Variants in STIM1 observed in about 807,000 individuals in gnomAD.
The protein encoded by STIM1 is stromal interaction molecule 1.
STIM1 carries 25 observed loss-of-function variants against 74.7 expected under a neutral mutation model. That is an observed-to-expected ratio of 0.33 (90% CI 0.24 to 0.47). The LOEUF (loss-of-function observed/expected upper bound fraction) is 0.47, where lower values mean the gene tolerates loss of function less well. Ranked by LOEUF, STIM1 falls within the 20% of genes least tolerant of loss-of-function variation. The pLI, the probability that STIM1 is intolerant of heterozygous loss-of-function variation, is 1.00. For missense variants in STIM1, 728 were observed against 920.8 expected (o/e 0.79, Z 2.71); for synonymous variants, 328 against 348.8 (o/e 0.94, Z 0.66).
chr11:3,913,464 A>C (rs1010183054), intron 1 of STIM1, among the ~76,000 whole-genome samples: 3 of 152,120 alleles, frequency 2.0e-5, no homozygotes, highest in Admixed American at 2.0e-4. Context: ...CTGGAGTTAC[A>C]GGGATCAACC....
intron 2 of STIM1, among the ~76,000 whole-genome samples, chr11:4,010,908 C>T (rs2093829721): frequency 6.6e-6 from 1 of 152,080 alleles, no homozygotes; most frequent in African/African-American, 2.4e-5. Flanking sequence ...ATGATATTCC[C>T]CTCCCTCTGT....
intron 1 of STIM1, among the ~76,000 whole-genome samples, chr11:3,900,993 C>T (rs1590545741): frequency 1.3e-5 from 2 of 152,214 alleles, no homozygotes. Context: ...GAGTTCAAGA[C>T]TAGCCTGGCC....
chr11:3,951,727 TA>T (rs982552568), intron 1 of STIM1, among the ~76,000 whole-genome samples: 58 of 152,154 alleles, frequency 3.8e-4, no homozygotes, highest in African/African-American at 1.3e-3. Flanking sequence ...TTTATCTGGG[TA>T]AGTCCTTGGG....
chr11:4,053,099 G>T (rs1395559749), intron 3 of STIM1, among the ~76,000 whole-genome samples: 2 of 152,218 alleles, frequency 1.3e-5, no homozygotes, highest in Non-Finnish European at 2.9e-5. Flanking sequence ...TGGAGAGGAC[G>T]TGGAGAAATA....
At chr11:3,960,053 G>A (rs970236220) in intron 1 of STIM1, among the ~76,000 whole-genome samples, 50 of 152,296 alleles carry the variant, frequency 3.3e-4, no homozygotes, top group African/African-American at 1.2e-3. Flanking sequence ...AGTATTCTGT[G>A]TGATGAAATA....
intron 1 of STIM1, among the ~76,000 whole-genome samples, chr11:3,941,696 A>AGAGAGAGAGTGTGT (rs1214690521): frequency 7.1e-6 from 1 of 141,806 alleles, no homozygotes; most frequent in Non-Finnish European, 1.5e-5. Context: ...AGAGAGAGAG[A>AGAGAGAGAGTGTGT]GTGTGTGTGT....
At chr11:4,090,725 G>T (rs149805931) in intron 12 of STIM1, among the ~76,000 whole-genome samples, 22 of 152,328 alleles carry the variant, frequency 1.4e-4, no homozygotes, top group Admixed American at 1.4e-3. Flanking sequence ...GTGTTAGCTT[G>T]AGTCCCAGGA....
At chr11:3,935,729 C>G (rs2092923876) in intron 1 of STIM1, among the ~76,000 whole-genome samples, 1 of 152,158 alleles carries the variant, frequency 6.6e-6, no homozygotes, top group South Asian at 2.1e-4. Context: ...GGTATTTTAT[C>G]TGGTGAAAAC....
intron 2 of STIM1, among the ~76,000 whole-genome samples, chr11:4,010,239 C>T (rs1294639200): frequency 4.0e-5 from 6 of 149,570 alleles, no homozygotes; most frequent in South Asian, 4.2e-4. Flanking sequence ...GGCATGATCT[C>T]GACTCACTAC....
At chr11:3,889,216 C>A (rs556511422) in intron 1 of STIM1, among the ~76,000 whole-genome samples, 1 of 150,378 alleles carries the variant, frequency 6.6e-6, no homozygotes, top group Admixed American at 6.7e-5. Flanking sequence ...TGAGGCCCAA[C>A]AAATAAATAT....
intron 2 of STIM1, among the ~76,000 whole-genome samples, chr11:3,996,687 G>A (rs2093666154): frequency 6.6e-6 from 1 of 152,184 alleles, no homozygotes; most frequent in Non-Finnish European, 1.5e-5. Flanking sequence ...AGATTTTCTT[G>A]AGCATATGTT....
intron 1 of STIM1, among the ~76,000 whole-genome samples, chr11:3,875,290 T>G (rs574968447): frequency 1.3e-5 from 2 of 152,338 alleles, no homozygotes; most frequent in South Asian, 4.1e-4. Context: ...GGCAAACACA[T>G]GTAAAGGCAT....
intron 2 of STIM1, among the ~76,000 whole-genome samples, chr11:3,970,632 A>C (rs891089950): frequency 7.9e-5 from 12 of 152,064 alleles, no homozygotes; most frequent in African/African-American, 2.9e-4. Flanking sequence ...TTATTAATGA[A>C]AATTTCATAA....
intron 5 of STIM1, 38 bp from the exon 6 acceptor site, chr11:4,069,988 G>C (rs1233748523): frequency 6.2e-7 from 1 of 1,611,396 alleles, no homozygotes; most frequent in Admixed American, 1.7e-5. Flanking sequence ...AGTGTGCAGT[G>C]GGCACCCTAA....
chr11:3,936,561 A>G (rs1478253023), intron 1 of STIM1, among the ~76,000 whole-genome samples: 1 of 152,218 alleles, frequency 6.6e-6, no homozygotes, highest in Non-Finnish European at 1.5e-5. Context: ...GGTTACCAGT[A>G]TGATATAGTA....
At chr11:4,047,819 TC>T (rs2094205625) in intron 3 of STIM1, among the ~76,000 whole-genome samples, 1 of 119,306 alleles carries the variant, frequency 8.4e-6, no homozygotes, top group South Asian at 3.2e-4. Flanking sequence ...GACCTGTCTC[TC>T]TTTTTTTTTT....
At chr11:4,073,713 G>A (rs2094420176) in intron 6 of STIM1, among the ~76,000 whole-genome samples, 1 of 152,148 alleles carries the variant, frequency 6.6e-6, no homozygotes, top group Non-Finnish European at 1.5e-5. Flanking sequence ...GTGAACTGAG[G>A]GAATGTGTGT....
At chr11:4,061,709 C>A (rs2133116976) in intron 5 of STIM1, among the ~76,000 whole-genome samples, 1 of 152,158 alleles carries the variant, frequency 6.6e-6, no homozygotes, top group South Asian at 2.1e-4. Context: ...CATAGCAGCA[C>A]ATGTCACAAG....
At chr11:3,980,578 A>G (rs1320766519) in intron 2 of STIM1, among the ~76,000 whole-genome samples, 1 of 148,528 alleles carries the variant, frequency 6.7e-6, no homozygotes, top group Non-Finnish European at 1.5e-5. Flanking sequence ...GTTCTAGACC[A>G]GGCTGGGCAA....
Sources: gnomAD v4.1 joint callset for allele counts (sites outside exome capture counted in the v4.1 genomes callset) on GRCh38, gnomAD v4.1.1 for gene constraint, MANE v1.5 for transcripts, NCBI Gene and HGNC (gene_info 2026-07-23, HGNC 2026-07-21) for gene names.